The following DTNA variants were observed in gnomAD, a reference collection of about 807,000 sequenced individuals.
The protein encoded by DTNA is dystrophin-related protein 3.
In DTNA, 43 loss-of-function variants were observed where a neutral mutation model predicts 100.7. The ratio of observed to expected loss-of-function variants is 0.43; its 90% CI spans 0.33 to 0.55. The LOEUF (loss-of-function observed/expected upper bound fraction) is 0.55. Ranked by LOEUF, DTNA falls within the 20% of genes least tolerant of loss-of-function variation. The pLI, the probability that DTNA is intolerant of heterozygous loss-of-function variation, is 0.04. For missense variants in DTNA, 798 were observed against 953.9 expected (o/e 0.84, Z 2.15); for synonymous variants, 349 against 347.9 (o/e 1.00, Z -0.04).
chr18:34,871,676 A>C (rs2096767331), intron 17 of DTNA, among the ~76,000 whole-genome samples: 1 of 152,160 alleles, frequency 6.6e-6, no homozygotes, highest in African/African-American at 2.4e-5. Flanking sequence ...GATCTGCCCC[A>C]ATGCCAAGAG....
chr18:34,498,493 T>TA (rs1295100637), intron 1 of DTNA, among the ~76,000 whole-genome samples: 1 of 147,944 alleles, frequency 6.8e-6, no homozygotes, highest in East Asian at 2.0e-4. Context: ...TTTAATCACC[T>TA]AAAAATGATT....
chr18:34,825,744 G>A (rs745437676), intron 9 of DTNA, among the ~76,000 whole-genome samples: 12 of 152,106 alleles, frequency 7.9e-5, no homozygotes, highest in Non-Finnish European at 1.6e-4. Flanking sequence ...CATTTATCAA[G>A]CTAGTTAAAA....
At chr18:34,639,405 C>G (rs1225112501) in intron 1 of DTNA, among the ~76,000 whole-genome samples, 1 of 152,186 alleles carries the variant, frequency 6.6e-6, no homozygotes, top group African/African-American at 2.4e-5. Flanking sequence ...GACCCTCTTG[C>G]CTGGGCCCTG....
chr18:34,844,807 C>T (rs546368922), intron 13 of DTNA, among the ~76,000 whole-genome samples: 8 of 152,208 alleles, frequency 5.3e-5, no homozygotes, highest in South Asian at 2.1e-4. Context: ...GTGAACAAAC[C>T]GTGAGTTCCC....
intron 1 of DTNA, among the ~76,000 whole-genome samples, chr18:34,721,011 T>A (rs1225380788): frequency 1.3e-5 from 2 of 152,200 alleles, no homozygotes; most frequent in Admixed American, 1.3e-4. Context: ...GTATGGTGAT[T>A]TACTGTTTGC....
intron 3 of DTNA, among the ~76,000 whole-genome samples, chr18:34,780,075 C>G (rs1043646366): frequency 6.7e-6 from 1 of 148,590 alleles, no homozygotes; most frequent in African/African-American, 2.5e-5. Flanking sequence ...AAAGGGGTTA[C>G]TTATAATTAT....
At position 34,684,305 on chromosome 18, in the gene DTNA, C is replaced by T. The variant is rs760769567; in HGVS notation, c.-1-71671C>T. ...TAATGCTATCCCTCCCCTTGCCCCC[C>T]ATCCCGCAACAAGCCCTGGTGTGTG... On this transcript the variant is annotated intron_variant, in intron 1 of 19. Coordinates refer to the DTNA transcript ENST00000283365. Among the ~76,000 whole-genome samples the T allele has an allele frequency of 4.6e-5, 7 of 152,118 alleles. No homozygotes were observed. In the East Asian group the frequency reaches 5.8e-4, roughly 13 times the overall value.
intron 3 of DTNA, among the ~76,000 whole-genome samples, chr18:34,792,603 T>C (rs573009689): frequency 3.3e-5 from 5 of 152,304 alleles, no homozygotes; most frequent in African/African-American, 1.2e-4. Flanking sequence ...TTATATTTCA[T>C]TGAGAATAAA....
intron 1 of DTNA, among the ~76,000 whole-genome samples, chr18:34,637,763 T>C (rs1042665438): frequency 6.6e-6 from 1 of 152,230 alleles, no homozygotes; most frequent in African/African-American, 2.4e-5. Flanking sequence ...TAGTGATAAA[T>C]GTAAGTGTTA....
chr18:34,821,686 A>C (rs1443242197), intron 9 of DTNA, among the ~76,000 whole-genome samples: 1 of 152,174 alleles, frequency 6.6e-6, no homozygotes, highest in Non-Finnish European at 1.5e-5. Flanking sequence ...ATGCACAATT[A>C]GATGTCATGT....
intron 1 of DTNA, among the ~76,000 whole-genome samples, chr18:34,497,932 A>G (rs2039436601): frequency 1.3e-5 from 2 of 152,208 alleles, no homozygotes; most frequent in Non-Finnish European, 2.9e-5. Context: ...TTAGCATTTC[A>G]AATGATCAGG....
chr18:34,624,898 C>G (rs1030871066), intron 1 of DTNA, among the ~76,000 whole-genome samples: 5 of 152,196 alleles, frequency 3.3e-5, no homozygotes, highest in African/African-American at 1.2e-4. Flanking sequence ...GAGTCTCACT[C>G]TTTCACCGAG....
At chr18:34,672,114 G>T (rs1380574529) in intron 1 of DTNA, among the ~76,000 whole-genome samples, 1 of 152,102 alleles carries the variant, frequency 6.6e-6, no homozygotes, top group East Asian at 1.9e-4. Context: ...TTGTTTTCTT[G>T]TCCTGATCAG....
At chr18:34,683,268 G>A (rs2078381142) in intron 1 of DTNA, among the ~76,000 whole-genome samples, 1 of 152,146 alleles carries the variant, frequency 6.6e-6, no homozygotes. Flanking sequence ...AAAGCAATGT[G>A]ATCAGGATCC....
intron 8 of DTNA, among the ~76,000 whole-genome samples, chr18:34,820,254 A>G (rs2095680490): frequency 6.6e-6 from 1 of 152,048 alleles, no homozygotes. Context: ...TCTTCCACTC[A>G]TCTTCATTCC....
At chr18:34,541,025 T>G (rs2044196122) in intron 1 of DTNA, among the ~76,000 whole-genome samples, 1 of 152,052 alleles carries the variant, frequency 6.6e-6, no homozygotes, top group Admixed American at 6.6e-5. Flanking sequence ...AATTAACATT[T>G]TTATGGGTTG....
At chr18:34,645,365 T>A (rs1320395341) in intron 1 of DTNA, among the ~76,000 whole-genome samples, 1 of 152,156 alleles carries the variant, frequency 6.6e-6, no homozygotes, top group Non-Finnish European at 1.5e-5. Flanking sequence ...TTTTTGAGCC[T>A]GTTCATGAAG....
chr18:34,601,157 T>C (rs2051732448), intron 1 of DTNA, among the ~76,000 whole-genome samples: 2 of 152,218 alleles, frequency 1.3e-5, no homozygotes, highest in Admixed American at 1.3e-4. Flanking sequence ...GCAGCAGAGG[T>C]ACTGCTCCTT....
At position 34,812,250 on chromosome 18, in the gene DTNA, G is replaced by A. The variant is rs72963034; in HGVS notation, c.603+137G>A. 0.11 allele frequency: 141,077 copies of A among 1,248,134 alleles called. 8,980 individuals carry two copies. The highest frequency in any genetic ancestry group is 0.23 in the African/African-American group (15,104 of 66,960). The allele number at this position is 1,248,134 out of a possible 1,614,324, so 77.3% of individuals were successfully genotyped here. On this transcript the variant is annotated intron_variant, in intron 6 of 22. Transcript: ENST00000444659. ...CCTGTATTGTATTTTTCAGCCTCTG[G>A]CAAATGACCTCTGAGCCAGTAACTA...
Sources: allele counts gnomAD v4.1 joint callset (sites outside exome capture counted in the v4.1 genomes callset), GRCh38; gene constraint gnomAD v4.1.1; transcripts MANE v1.5; gene names NCBI Gene and HGNC (gene_info 2026-07-23, HGNC 2026-07-21).